Variants in MID2 observed in about 807,000 individuals in gnomAD.
MID2 encodes probable E3 ubiquitin-protein ligase MID2.
Under a neutral mutation model 46.1 loss-of-function variants are expected in MID2, and 13 were observed. That is an observed-to-expected ratio of 0.28 (90% confidence interval 0.18 to 0.45). MID2 has a LOEUF of 0.45. Ranked by LOEUF, MID2 falls within the 20% of genes least tolerant of loss-of-function variation. The probability of loss-of-function intolerance (pLI) is 1.00; values close to 1 mark genes in which losing one functional copy is unlikely to be tolerated. For missense variants in MID2, 431 were observed against 575.4 expected (o/e 0.75, Z 2.57); for synonymous variants, 199 against 212.3 (o/e 0.94, Z 0.55).
intron 3 of MID2, among the ~76,000 whole-genome samples, chrX:107,881,496 T>C (rs1344812903): frequency 8.0e-5 from 9 of 112,255 alleles, no homozygotes; most frequent in African/African-American, 2.9e-4. Flanking sequence ...GACCTTTTCT[T>C]CTCTCTGGTG....
intron 3 of MID2, among the ~76,000 whole-genome samples, chrX:107,891,151 A>G (rs889756052): frequency 9.1e-6 from 1 of 110,348 alleles, no homozygotes; most frequent in African/African-American, 3.3e-5. Context: ...CTCCCCAGTG[A>G]GATGAACCCA....
At chrX:107,826,763 G>A (rs149042249) in intron 1 of MID2, among the ~76,000 whole-genome samples, 1,655 of 113,154 alleles carry the variant, frequency 0.015, 33 homozygotes, top group African/African-American at 0.051. Flanking sequence ...CGAATCCCCC[G>A]GCGCCTGGGC....
chrX:107,922,876 C>A (rs1021242472), intron 7 of MID2, among the ~76,000 whole-genome samples: 3 of 111,439 alleles, frequency 2.7e-5, no homozygotes, highest in Non-Finnish European at 3.8e-5. Flanking sequence ...GGGTGTGTAT[C>A]TGGAGATTAT....
At chrX:107,849,556 C>T (rs1931564914) in intron 2 of MID2, among the ~76,000 whole-genome samples, 1 of 111,493 alleles carries the variant, frequency 9.0e-6, no homozygotes, top group Admixed American at 9.5e-5. Context: ...GAAGAATAGC[C>T]TGTGCCCAGC....
chrX:107,911,621 G>T (rs1187228355), intron 5 of MID2, among the ~76,000 whole-genome samples: 1 of 111,878 alleles, frequency 8.9e-6, no homozygotes, highest in African/African-American at 3.3e-5. Context: ...TTCTCTGTTA[G>T]TTTAAATTGC....
chrX:107,916,401 G>C (rs1180628829), intron 6 of MID2, among the ~76,000 whole-genome samples: 2 of 112,039 alleles, frequency 1.8e-5, no homozygotes, highest in Non-Finnish European at 3.8e-5. Flanking sequence ...TTGTCCTTAT[G>C]AATCTAACAG....
intron 3 of MID2, among the ~76,000 whole-genome samples, chrX:107,903,232 C>A (rs773637521): frequency 9.0e-6 from 1 of 110,941 alleles, no homozygotes; most frequent in Admixed American, 9.6e-5. Flanking sequence ...CTCATTTTAG[C>A]CCCTCCTGGG....
intron 1 of MID2, among the ~76,000 whole-genome samples, chrX:107,832,464 G>A (rs1324242909): frequency 8.9e-6 from 1 of 111,759 alleles, no homozygotes; most frequent in Non-Finnish European, 1.9e-5. Context: ...ATCTATGAAT[G>A]TATGATGAGA....
chrX:107,929,401 T>C lies in MID2; in HGVS notation c.*2328T>C, dbSNP rs1039168330. On this transcript the variant is annotated 3_prime_UTR_variant, in exon 10 of 10. Coordinates refer to ENST00000262843, the MANE Select transcript of MID2 (RefSeq NM_012216.4). ...TCTGGGTTTTCATGTCCCTGTTTGC[T>C]TACACAGCTTAATCTTTTGCCACTT... Among the ~76,000 whole-genome samples the C allele has an allele frequency of 1.8e-5, 2 of 111,683 alleles. No homozygotes were observed. The highest frequency in any genetic ancestry group is 3.3e-5 in the African/African-American group (1 of 30,726).
At chrX:107,883,352 T>TA (rs1293715653) in intron 3 of MID2, among the ~76,000 whole-genome samples, 2 of 110,422 alleles carry the variant, frequency 1.8e-5, no homozygotes, top group Non-Finnish European at 3.8e-5. Flanking sequence ...AAGTATAATT[T>TA]AAAAAAATGC....
At chrX:107,833,373 A>T (rs1393521903) in intron 1 of MID2, among the ~76,000 whole-genome samples, 2 of 109,419 alleles carry the variant, frequency 1.8e-5, no homozygotes, top group African/African-American at 6.7e-5. Flanking sequence ...GGAAGAACTC[A>T]TGGGACATTA....
intron 3 of MID2, among the ~76,000 whole-genome samples, chrX:107,859,034 A>AT (rs1168447018): frequency 2.7e-5 from 3 of 111,448 alleles, no homozygotes; most frequent in Non-Finnish European, 5.6e-5. Flanking sequence ...TCTTAGCTTC[A>AT]TTCACTTTTG....
chrX:107,895,403 G>T (rs772124878), intron 3 of MID2: 63 of 111,624 alleles, frequency 5.6e-4, no homozygotes, highest in African/African-American at 1.7e-3. Flanking sequence ...TTTCTAGAAT[G>T]TTATGTAAAT....
At chrX:107,864,441 A>G (rs959751143) in intron 3 of MID2, among the ~76,000 whole-genome samples, 4 of 111,048 alleles carry the variant, frequency 3.6e-5, no homozygotes. Context: ...TTTTTGTGCC[A>G]TGAGGGGTGG....
intron 3 of MID2, among the ~76,000 whole-genome samples, chrX:107,892,058 C>T (rs1932617888): frequency 8.9e-6 from 1 of 111,911 alleles, no homozygotes; most frequent in South Asian, 3.7e-4. Context: ...AGTAGAAATT[C>T]CTTGCTCTGT....
intron 3 of MID2, among the ~76,000 whole-genome samples, chrX:107,887,960 C>T (rs760776061): frequency 8.1e-5 from 9 of 111,573 alleles, no homozygotes; most frequent in Non-Finnish European, 1.5e-4. Flanking sequence ...TCTGTGGGAT[C>T]GGTGGTGATA....
Position 107,826,303 on chromosome X carries a change from G to C in MID2, c.-124G>C. ...AGGCGGGCGGCGGCCTACAGTGGTAGCGGCGGCGGCGGCGACCGGGGCCCG... is the reference window on the plus strand; with the variant it reads ...AGGCGGGCGGCGGCCTACAGTGGTACCGGCGGCGGCGGCGACCGGGGCCCG... On this transcript the variant is annotated 5_prime_UTR_variant, in exon 1 of 10. Transcript: ENST00000262843. 1.3e-6 allele frequency: 1 copy of C among 751,460 alleles called. No individual in the cohort carries two copies. The highest frequency in any genetic ancestry group is 1.8e-6 in the Non-Finnish European group (1 of 565,738). The allele number at this position is 751,460 out of a possible 1,213,427, so 61.9% of individuals were successfully genotyped here.
intron 2 of MID2, among the ~76,000 whole-genome samples, chrX:107,850,320 C>T (rs958212714): frequency 9.0e-6 from 1 of 111,181 alleles, no homozygotes; most frequent in Non-Finnish European, 1.9e-5. Context: ...TTCTAAATGA[C>T]TCGTCAGTGC....
chrX:107,829,406 G>A (rs890833275), intron 1 of MID2, among the ~76,000 whole-genome samples: 2 of 112,288 alleles, frequency 1.8e-5, no homozygotes, highest in Non-Finnish European at 3.8e-5. Context: ...TTTAAGTTGA[G>A]GCTTGAATCA....
Sources: gnomAD v4.1 joint callset for allele counts (sites outside exome capture counted in the v4.1 genomes callset) on GRCh38, gnomAD v4.1.1 for gene constraint, MANE v1.5 for transcripts, NCBI Gene and HGNC (gene_info 2026-07-23, HGNC 2026-07-21) for gene names.